Variants in WDR26 observed in about 807,000 individuals in gnomAD.
The protein encoded by WDR26 is WD repeat domain 26.
WDR26 carries 5 observed loss-of-function variants against 84.1 expected under a neutral mutation model. That is an observed-to-expected ratio of 0.06 (90% confidence interval 0.03 to 0.13). The LOEUF (loss-of-function observed/expected upper bound fraction) is 0.13. Among genes scored for constraint, WDR26 ranks in the 10% least tolerant of loss-of-function variants. The probability of loss-of-function intolerance (pLI) is 1.00; values close to 1 mark genes in which losing one functional copy is unlikely to be tolerated. For missense variants in WDR26, 642 were observed against 974.9 expected, an observed-to-expected ratio of 0.66 and a Z score of 4.55; for synonymous variants, 415 against 389.6, an observed-to-expected ratio of 1.07 and a Z score of -0.77.
chr1:224,432,458 A>G (rs1390467067), intron 1 of WDR26, among the ~76,000 whole-genome samples: 1 of 152,178 alleles, frequency 6.6e-6, no homozygotes, highest in African/African-American at 2.4e-5. Context: ...TTCCTACCAC[A>G]TATTTGTCTT....
intron 8 of WDR26, among the ~76,000 whole-genome samples, chr1:224,403,988 G>C (rs950173282): frequency 6.6e-6 from 1 of 152,132 alleles, no homozygotes; most frequent in African/African-American, 2.4e-5. Context: ...TTAGGAATAA[G>C]TACTGAAAAC....
At chr1:224,398,737 G>C in intron 10 of WDR26, 144 bp from the exon 11 acceptor site, 4 of 1,196,292 alleles carry the variant, frequency 3.3e-6, no homozygotes, top group Non-Finnish European at 4.7e-6. Context: ...AGAAGAATCT[G>C]AGTTACTGAT....
In WDR26 at chr1:224,434,043, C is replaced by T. The variant is rs564951071; in HGVS notation, c.363G>A (p.Gly121=). 1 of 1,457,112 alleles carries T rather than the reference C, an allele frequency of 6.9e-7. No individual in the cohort carries two copies. The highest frequency in any genetic ancestry group is 9.0e-7 in the Non-Finnish European group (1 of 1,109,700). 90.3% of individuals were successfully genotyped at this position (1,457,112 alleles called of 1,614,324 possible). The change falls in exon 1 of 14, where the codon GGG becomes GGA. Residue 121 remains glycine, a synonymous_variant. Coordinates refer to ENST00000414423, the MANE Select transcript of WDR26 (RefSeq NM_001379403.1). ...GGGTCTGTCCCTGGCCCCCGCCGCCCCCTCCTCCTCCACCGCCGCCGCCGC... is the reference window on the plus strand; with the variant it reads ...GGGTCTGTCCCTGGCCCCCGCCGCCTCCTCCTCCTCCACCGCCGCCGCCGC...
rs1472105303 is a variant in WDR26, at chr1:224,387,729, G to A, written c.*2106C>T. On this transcript the variant is annotated 3_prime_UTR_variant, in exon 14 of 14. Transcript: ENST00000414423. ...TGGAGTTTCTATGCCCACATTTAGT[G>A]ATGTTACCATAGAGACTGGGGTGTA... The A allele has an allele frequency of 6.6e-6, 1 of 152,540 alleles. No homozygotes were observed. Among genetic ancestry groups the A allele is most frequent in the East Asian group, 1.9e-4 (1 of 5,190 alleles). The allele number at this position is 152,540 out of a possible 1,614,324, so 9.4% of individuals were successfully genotyped here. A position where few individuals can be genotyped will look rare whatever the true frequency, so the allele number is the denominator to read the frequency against.
chr1:224,397,821 G>A (rs1031413289), intron 12 of WDR26: 10 of 347,254 alleles, frequency 2.9e-5, no homozygotes, highest in East Asian at 6.8e-5. Flanking sequence ...ACACTGCTAC[G>A]TGGTCAGAAT....
At chr1:224,395,544 T>C (rs1245794405) in intron 12 of WDR26, among the ~76,000 whole-genome samples, 1 of 151,960 alleles carries the variant, frequency 6.6e-6, no homozygotes, top group Non-Finnish European at 1.5e-5. Context: ...TTTATCTTCT[T>C]AGAAGTATCT....
intron 7 of WDR26, among the ~76,000 whole-genome samples, chr1:224,408,629 C>T (rs1439560617): frequency 9.0e-6 from 1 of 110,514 alleles, no homozygotes; most frequent in Admixed American, 1.2e-4. Context: ...TTACTCATCC[C>T]ATTCTTTTTT....
At chr1:224,403,002 T>C (rs747655747) in intron 8 of WDR26, among the ~76,000 whole-genome samples, 4 of 152,170 alleles carry the variant, frequency 2.6e-5, no homozygotes, top group Non-Finnish European at 5.9e-5. Flanking sequence ...GTAAGATATC[T>C]AATTTACTTT....
chr1:224,426,341 A>G (rs1674209559), intron 3 of WDR26, among the ~76,000 whole-genome samples: 1 of 152,230 alleles, frequency 6.6e-6, no homozygotes, highest in South Asian at 2.1e-4. Context: ...GAAAGTAAGC[A>G]ATAATAAACC....
chr1:224,411,305 G>T, intron 7 of WDR26, 122 bp downstream of exon 7: 8 of 1,070,154 alleles, frequency 7.5e-6, no homozygotes, highest in Non-Finnish European at 1.0e-5. Context: ...ATGTAAAAAT[G>T]ATAAAAAATG....
intron 4 of WDR26, among the ~76,000 whole-genome samples, chr1:224,419,887 G>C (rs199631244): frequency 1.0e-5 from 1 of 95,702 alleles, no homozygotes; most frequent in Admixed American, 1.1e-4. Context: ...GCAGGTTCTA[G>C]CACTCAACAC....
chr1:224,407,151 A>AAAAAATATATATATATATATATAT, intron 7 of WDR26, among the ~76,000 whole-genome samples: 4 of 11,872 alleles, frequency 3.4e-4, no homozygotes, highest in Non-Finnish European at 4.2e-4. Flanking sequence ...AAAAAAAAAA[A>AAAAAATATATATATATATATATAT]ATATATATAT....
chr1:224,398,709 C>A, intron 10 of WDR26, 116 bp from the exon 11 acceptor site: 1 of 1,177,526 alleles, frequency 8.5e-7, no homozygotes, highest in Non-Finnish European at 1.2e-6. Flanking sequence ...ATCACTATTA[C>A]ATACTATACT....
intron 6 of WDR26, among the ~76,000 whole-genome samples, chr1:224,414,266 C>G (rs763959484): frequency 2.6e-5 from 4 of 151,650 alleles, no homozygotes; most frequent in Non-Finnish European, 4.4e-5. Flanking sequence ...CCACCACACC[C>G]GGCTAATTTT....
chr1:224,407,044 C>A (rs1572177849), intron 7 of WDR26, among the ~76,000 whole-genome samples: 4 of 142,734 alleles, frequency 2.8e-5, no homozygotes. Flanking sequence ...ATTGCTTGAA[C>A]CCGGGAGGTG....
intron 4 of WDR26, among the ~76,000 whole-genome samples, chr1:224,421,678 C>T (rs1214364233): frequency 6.6e-6 from 1 of 152,162 alleles, no homozygotes; most frequent in Non-Finnish European, 1.5e-5. Flanking sequence ...GCCTGTAAAC[C>T]TAGCACTTTG....
intron 12 of WDR26, among the ~76,000 whole-genome samples, chr1:224,394,958 C>T (rs536314799): frequency 6.6e-6 from 1 of 152,248 alleles, no homozygotes; most frequent in South Asian, 2.1e-4. Context: ...CATGATATGG[C>T]TTTGTAGACT....
chr1:224,424,589 C>T lies in WDR26; in HGVS notation c.993G>A (p.Glu331=). ...ATTCACAGCGTAGAACTTGAAGTGCCTCCAGGACCTTGCCATCCTCCAGGT... is the reference window on the plus strand; with the variant it reads ...ATTCACAGCGTAGAACTTGAAGTGCTTCCAGGACCTTGCCATCCTCCAGGT... The change falls in exon 4 of 14, where the codon GAG becomes GAA. Residue 331 remains glutamate (E), a synonymous_variant. Transcript: ENST00000414423. The T allele has an allele frequency of 6.2e-7, 1 of 1,614,156 alleles. No individual in the cohort carries two copies. The highest frequency in any genetic ancestry group is 8.5e-7 in the Non-Finnish European group (1 of 1,180,020).
chr1:224,426,485 T>C (rs1320298492), intron 3 of WDR26, among the ~76,000 whole-genome samples: 1 of 151,918 alleles, frequency 6.6e-6, no homozygotes, highest in Non-Finnish European at 1.5e-5. Flanking sequence ...TCTGGGAAAA[T>C]TACACTTATC....
Sources: gnomAD v4.1 joint callset for allele counts (sites outside exome capture counted in the v4.1 genomes callset) on GRCh38, gnomAD v4.1.1 for gene constraint, MANE v1.5 for transcripts, NCBI Gene and HGNC (gene_info 2026-07-23, HGNC 2026-07-21) for gene names.